The following CSMD1 variants were observed in gnomAD, a reference collection of about 807,000 sequenced individuals.
CSMD1 encodes the protein CUB and Sushi multiple domains 1.
CSMD1 carries 213 observed loss-of-function variants against 417.5 expected under a neutral mutation model. That is an observed-to-expected ratio of 0.51 (90% CI 0.46 to 0.57). The LOEUF (loss-of-function observed/expected upper bound fraction) is 0.57, where lower values mean the gene tolerates loss of function less well. CSMD1 is among the 20% of genes least tolerant of loss of function. CSMD1 has a pLI of 0.00. For missense variants in CSMD1, 6,923 were observed against 4,529.7 expected (o/e 1.53, Z -15.17); for synonymous variants, 2,862 against 1,736.8 (o/e 1.65, Z -16.11).
At chr8:4,111,704 G>C (rs1801865274) in intron 3 of CSMD1, among the ~76,000 whole-genome samples, 1 of 152,178 alleles carries the variant, frequency 6.6e-6, no homozygotes, top group Non-Finnish European at 1.5e-5. Flanking sequence ...TCACTTATAA[G>C]TGGGAGCTGA....
At position 3,785,611 on chromosome 8, in the gene CSMD1, A is replaced by C. The variant is rs551141112; in HGVS notation, c.819-31569T>G. Among the ~76,000 whole-genome samples the C allele has an allele frequency of 2.6e-5, 4 of 152,226 alleles. 1 individual carries two copies. The highest frequency in any genetic ancestry group is 2.0e-4 in the Admixed American group (3 of 15,290). On this transcript the variant is annotated intron_variant, in intron 5 of 69. Coordinates refer to ENST00000635120, the MANE Select transcript of CSMD1 (RefSeq NM_033225.6). ...TGGATCATTTGATCTCATTTATAAG[A>C]TGTTAGAAGCAAGTTACCATCGAGT...
intron 18 of CSMD1, among the ~76,000 whole-genome samples, chr8:3,370,846 G>A (rs1201210925): frequency 2.0e-5 from 3 of 152,062 alleles, no homozygotes; most frequent in Non-Finnish European, 2.9e-5. Flanking sequence ...CATAGTGGCA[G>A]AAGCCTACAA....
intron 10 of CSMD1, among the ~76,000 whole-genome samples, chr8:3,511,515 G>C (rs1396055712): frequency 1.3e-5 from 2 of 151,696 alleles, no homozygotes; most frequent in Non-Finnish European, 2.9e-5. Context: ...TGCACTTTGG[G>C]AGGCCGAGGC....
At chr8:4,574,982 C>T (rs1327064303) in intron 2 of CSMD1, among the ~76,000 whole-genome samples, 1 of 152,106 alleles carries the variant, frequency 6.6e-6, no homozygotes, top group Non-Finnish European at 1.5e-5. Flanking sequence ...AGGTGAAATT[C>T]GGTTTTAATA....
chr8:3,050,119 A>AC (rs1554499014), intron 50 of CSMD1, among the ~76,000 whole-genome samples: 1 of 151,838 alleles, frequency 6.6e-6, no homozygotes, highest in Non-Finnish European at 1.5e-5. Flanking sequence ...AAAAAAAAAA[A>AC]AACTGATGAT....
intron 3 of CSMD1, among the ~76,000 whole-genome samples, chr8:4,218,563 C>G (rs1489366079): frequency 2.0e-5 from 3 of 152,106 alleles, no homozygotes; most frequent in African/African-American, 7.2e-5. Flanking sequence ...GTCAAGTTGT[C>G]TATGTTCTCT....
intron 23 of CSMD1, among the ~76,000 whole-genome samples, chr8:3,313,011 T>C (rs528817050): frequency 6.6e-6 from 1 of 152,316 alleles, no homozygotes; most frequent in African/African-American, 2.4e-5. Context: ...TGAATATTGG[T>C]AAAATAAGTT....
intron 1 of CSMD1, among the ~76,000 whole-genome samples, chr8:4,818,685 C>G (rs1487828748): frequency 6.6e-6 from 1 of 152,058 alleles, no homozygotes; most frequent in Non-Finnish European, 1.5e-5. Flanking sequence ...AATTAATAAA[C>G]ATTTAGATGA....
intron 10 of CSMD1, among the ~76,000 whole-genome samples, chr8:3,518,343 G>A (rs554486639): frequency 3.0e-4 from 46 of 152,240 alleles, no homozygotes; most frequent in Non-Finnish European, 6.2e-4. Flanking sequence ...ATGCAAACCT[G>A]CGTACCAACA....
intron 12 of CSMD1, among the ~76,000 whole-genome samples, chr8:3,454,121 A>G (rs1017074169): frequency 3.3e-5 from 5 of 152,120 alleles, no homozygotes; most frequent in Non-Finnish European, 5.9e-5. Flanking sequence ...TTTATCAGAG[A>G]CTAGGATTGC....
chr8:3,253,412 G>C (rs1170537261), intron 26 of CSMD1, among the ~76,000 whole-genome samples: 1 of 152,078 alleles, frequency 6.6e-6, no homozygotes, highest in Admixed American at 6.5e-5. Flanking sequence ...TATAATTTCT[G>C]TTCTTTTACA....
intron 1 of CSMD1, among the ~76,000 whole-genome samples, chr8:4,714,813 A>G (rs1000124748): frequency 3.3e-5 from 5 of 152,362 alleles, no homozygotes; most frequent in African/African-American, 1.2e-4. Flanking sequence ...ACTCAACATT[A>G]TAAACAGTAA....
At chr8:3,510,726 T>C (rs960630079) in intron 10 of CSMD1, among the ~76,000 whole-genome samples, 5 of 151,798 alleles carry the variant, frequency 3.3e-5, no homozygotes, top group South Asian at 2.1e-4. Flanking sequence ...TGGTATCTCA[T>C]TGTGGTTTTG....
At position 4,545,916 on chromosome 8, in the gene CSMD1, A is replaced by T. The variant is rs553388403; in HGVS notation, c.302+91426T>A. On this transcript the variant is annotated intron_variant, in intron 2 of 69. Transcript: ENST00000635120. Reference sequence around the variant, plus strand: ...TAGTTCTCTCTTTTCTCCATCATCTAATCACATTCTTGCCTATTCTTTCTC... The same window carrying T: ...TAGTTCTCTCTTTTCTCCATCATCTTATCACATTCTTGCCTATTCTTTCTC... Among the ~76,000 whole-genome samples, 7 of 152,156 alleles carry T rather than the reference A, an allele frequency of 4.6e-5. No individual in the cohort carries two copies. The East Asian group carries it at 1.4e-3, about 29-fold the overall frequency.
chr8:3,891,369 A>G (rs1018808070), intron 5 of CSMD1, among the ~76,000 whole-genome samples: 1 of 152,076 alleles, frequency 6.6e-6, no homozygotes, highest in African/African-American at 2.4e-5. Context: ...TCTTGAAATT[A>G]GGTCAATTCA....
At chr8:3,344,215 G>C (rs1272640970) in intron 22 of CSMD1, among the ~76,000 whole-genome samples, 1 of 152,196 alleles carries the variant, frequency 6.6e-6, no homozygotes, top group Non-Finnish European at 1.5e-5. Context: ...CAGTGGGTCT[G>C]TGTCACCATC....
chr8:4,034,505 G>C (rs1261537014), intron 3 of CSMD1, among the ~76,000 whole-genome samples: 1 of 152,116 alleles, frequency 6.6e-6, no homozygotes, highest in African/African-American at 2.4e-5. Flanking sequence ...CATGTGTGCT[G>C]TTTATAGTAC....
intron 36 of CSMD1, among the ~76,000 whole-genome samples, chr8:3,185,634 G>A (rs1230472970): frequency 1.3e-5 from 2 of 152,148 alleles, no homozygotes; most frequent in South Asian, 4.1e-4. Flanking sequence ...GTTACTCGAG[G>A]GAAGGCTTAA....
chr8:4,733,018 TC>T (rs1001793534), intron 1 of CSMD1, among the ~76,000 whole-genome samples: 15 of 114,338 alleles, frequency 1.3e-4, no homozygotes, highest in African/African-American at 4.4e-4. Flanking sequence ...TTGCACGGTT[TC>T]TTTGGAAAAA....
Sources: allele counts gnomAD v4.1 joint callset (sites outside exome capture counted in the v4.1 genomes callset), GRCh38; gene constraint gnomAD v4.1.1; transcripts MANE v1.5; gene names NCBI Gene and HGNC (gene_info 2026-07-23, HGNC 2026-07-21).